MRPL37: variants seen among roughly 807,000 people sequenced by gnomAD.
MRPL37 encodes mitochondrial ribosomal protein L37, also known as large ribosomal subunit protein mL37.
In MRPL37, 34 loss-of-function variants were observed where a neutral mutation model predicts 44.1. The observed-to-expected ratio is 0.77, with a 90% CI of 0.59 to 1.03. MRPL37 has a LOEUF of 1.03. Among genes scored for constraint, MRPL37 ranks in the 50% least tolerant of loss-of-function variants. The pLI, the probability that MRPL37 is intolerant of heterozygous loss-of-function variation, is 0.00. For missense variants in MRPL37, 532 were observed against 543.7 expected (o/e 0.98, Z 0.21); for synonymous variants, 212 against 219.5 (o/e 0.97, Z 0.30).
chr1:54,206,392 G>T lies in MRPL37; in HGVS notation c.646+982G>T, dbSNP rs1644122774. Among the ~76,000 whole-genome samples the T allele has an allele frequency of 2.0e-5, 3 of 150,794 alleles. No homozygotes were observed. In the South Asian group the frequency reaches 6.3e-4, roughly 32 times the overall value. On this transcript the variant is annotated intron_variant, in intron 3 of 6. Coordinates refer to ENST00000360840, the MANE Select transcript of MRPL37 (RefSeq NM_016491.4). ...CTCCCAAAGTGCTGGGATTACAGGTGTGAGCCACAACGCCCGGCCTGTTTG... is the reference window on the plus strand; with the variant it reads ...CTCCCAAAGTGCTGGGATTACAGGTTTGAGCCACAACGCCCGGCCTGTTTG...
At chr1:54,203,195 C>T (rs567387237) in intron 1 of MRPL37, among the ~76,000 whole-genome samples, 2 of 152,286 alleles carry the variant, frequency 1.3e-5, no homozygotes, top group South Asian at 2.1e-4. Context: ...GTCTCTGTCA[C>T]CCAGGCTGCA....
downstream of MRPL37, among the ~76,000 whole-genome samples, chr1:54,221,579 C>G (rs1453781154): frequency 6.6e-6 from 1 of 152,188 alleles, no homozygotes; most frequent in Non-Finnish European, 1.5e-5. Flanking sequence ...GCAACATGGC[C>G]CCTGCCATGT....
At chr1:54,221,479 A>G (rs1402366165), downstream of MRPL37, among the ~76,000 whole-genome samples, 3 of 152,134 alleles carry the variant, frequency 2.0e-5, no homozygotes, top group Non-Finnish European at 4.4e-5. Context: ...CTCTCCCCTC[A>G]GAATACATCT....
At chr1:54,220,412 T>A (rs1644224802), downstream of MRPL37, among the ~76,000 whole-genome samples, 2 of 152,182 alleles carry the variant, frequency 1.3e-5, no homozygotes, top group South Asian at 4.1e-4. Flanking sequence ...GCCTTAGTGC[T>A]AAGTTGTGGA....
intron 5 of MRPL37, among the ~76,000 whole-genome samples, chr1:54,213,111 C>G (rs549385804): frequency 6.6e-6 from 1 of 152,348 alleles, no homozygotes; most frequent in African/African-American, 2.4e-5. Flanking sequence ...CAAGCCCTGC[C>G]TGCCAACTCA....
chr1:54,217,330 A>G (rs1334058718), intron 6 of MRPL37, among the ~76,000 whole-genome samples: 1 of 152,120 alleles, frequency 6.6e-6, no homozygotes, highest in African/African-American at 2.4e-5. Flanking sequence ...TCACCTGCAT[A>G]GTCACACCAG....
rs539817321 is a variant in MRPL37 at position 54,210,895 on chromosome 1, C to A, written c.832+764C>A. On this transcript the variant is annotated intron_variant, in intron 4 of 6. Transcript: ENST00000360840. ...TTCATCCCATCTGTCTTCATGCCCA[C>A]CTCCCCGTGGCCTGTTGGTAAAGTT... 1.7e-3 allele frequency among the ~76,000 whole-genome samples: 261 copies of A among 152,272 alleles called. 1 individual carries two copies. Among genetic ancestry groups the A allele is most frequent in the African/African-American group, 6.1e-3 (254 of 41,534 alleles).
At chr1:54,216,835 T>C (rs1644201245) in intron 6 of MRPL37, among the ~76,000 whole-genome samples, 1 of 152,192 alleles carries the variant, frequency 6.6e-6, no homozygotes, top group Non-Finnish European at 1.5e-5. Context: ...CACGATCACA[T>C]TGCTGTGCGT....
intron 4 of MRPL37, among the ~76,000 whole-genome samples, chr1:54,210,631 G>GTCTC (rs1213611757): frequency 6.6e-6 from 1 of 152,164 alleles, no homozygotes; most frequent in African/African-American, 2.4e-5. Flanking sequence ...CGTCAGGCAA[G>GTCTC]ACATCACAAG....
At chr1:54,204,624 G>T (rs956980660) in intron 1 of MRPL37, among the ~76,000 whole-genome samples, 6 of 152,214 alleles carry the variant, frequency 3.9e-5, no homozygotes, top group African/African-American at 1.2e-4. Flanking sequence ...GGTAGTTAGG[G>T]CTGGGGTGTG....
chr1:54,209,458 T>C (rs2100508301), intron 3 of MRPL37, among the ~76,000 whole-genome samples: 1 of 151,776 alleles, frequency 6.6e-6, no homozygotes, highest in African/African-American at 2.4e-5. Flanking sequence ...TAATTTTTTT[T>C]TTTTTTTTTT....
At chr1:54,216,409 C>G (rs1644197964) in intron 6 of MRPL37, 65 bp downstream of exon 6, 1 of 1,565,246 alleles carries the variant, frequency 6.4e-7, no homozygotes, top group Admixed American at 1.8e-5. Flanking sequence ...GTGTGAGCCT[C>G]AGGTGGGATT....
chr1:54,224,926 AC>A (rs35585984), downstream of MRPL37, among the ~76,000 whole-genome samples: 5 of 40,518 alleles, frequency 1.2e-4, no homozygotes, highest in Admixed American at 9.1e-4. Context: ...CTCCCAGTAC[AC>A]CTTGGAGGTT....
Position 54,200,309 on chromosome 1 carries a change from C to T in MRPL37, c.66C>T (p.Gly22=), listed in dbSNP as rs1264070247. Residue 22 remains glycine (G), a synonymous_variant, in exon 1 of 7, where the codon GGC becomes GGT. Transcript: ENST00000360840. ...GCTCCGGGCAGCTCGGCCTTGGGGG[C>T]TTCGGGGCCCCGAGACGCGGGGCGT... ...LAGSGQLGLG[G]FGAPRRGAYE... The T allele has an allele frequency of 1.2e-6, 2 of 1,613,020 alleles. No homozygotes were observed. Among genetic ancestry groups the T allele is most frequent in the Admixed American group, 3.3e-5 (2 of 59,976 alleles).
downstream of MRPL37, among the ~76,000 whole-genome samples, chr1:54,224,127 G>C (rs976871995): frequency 5.3e-5 from 8 of 152,158 alleles, no homozygotes; most frequent in Non-Finnish European, 1.5e-5. Context: ...GGTATCGGAT[G>C]GATATCCCAT....
chr1:54,202,386 G>A (rs1168525206), intron 1 of MRPL37, among the ~76,000 whole-genome samples: 3 of 152,080 alleles, frequency 2.0e-5, no homozygotes, highest in Non-Finnish European at 2.9e-5. Flanking sequence ...ATTGTACTTA[G>A]TGCCTTTCAT....
chr1:54,217,252 C>T (rs1317249637), intron 6 of MRPL37, among the ~76,000 whole-genome samples: 1 of 152,220 alleles, frequency 6.6e-6, no homozygotes. Flanking sequence ...CAGCAGCTCT[C>T]AGTGCTGTTT....
downstream of MRPL37, among the ~76,000 whole-genome samples, chr1:54,219,685 C>A (rs916416789): frequency 5.9e-5 from 9 of 152,232 alleles, no homozygotes; most frequent in Non-Finnish European, 8.8e-5. Context: ...AGTCGACCCA[C>A]CCAAGGTGAT....
downstream of MRPL37, among the ~76,000 whole-genome samples, chr1:54,223,649 G>GC (rs377287418): frequency 4.6e-5 from 7 of 152,162 alleles, no homozygotes; most frequent in South Asian, 2.1e-4. Context: ...CCTACCTCTG[G>GC]CCCCCCAGGC....
Sources: allele counts gnomAD v4.1 joint callset (sites outside exome capture counted in the v4.1 genomes callset), GRCh38; gene constraint gnomAD v4.1.1; transcripts MANE v1.5; gene names NCBI Gene and HGNC (gene_info 2026-07-23, HGNC 2026-07-21).